Variants in RAP1A observed in about 807,000 individuals in gnomAD.
The protein encoded by RAP1A is ras-related protein Rap-1A.
Under a neutral mutation model 26.4 loss-of-function variants are expected in RAP1A, and 6 were observed. The observed-to-expected ratio is 0.23, with a 90% CI of 0.12 to 0.45. The LOEUF is 0.45. Ranked by LOEUF, RAP1A falls within the 20% of genes least tolerant of loss-of-function variation. RAP1A has a pLI of 0.99. For missense variants in RAP1A, 121 were observed against 217.2 expected (o/e 0.56, Z 2.78); for synonymous variants, 73 against 79.4 (o/e 0.92, Z 0.43).
intron 7 of RAP1A, among the ~76,000 whole-genome samples, chr1:111,711,216 G>T (rs781447288): frequency 9.2e-5 from 14 of 152,048 alleles, no homozygotes; most frequent in Non-Finnish European, 1.3e-4. Context: ...TTAGGTAAAG[G>T]TGCAAAGATA....
intron 1 of RAP1A, among the ~76,000 whole-genome samples, chr1:111,665,541 G>T (rs1036219438): frequency 1.3e-5 from 2 of 152,118 alleles, no homozygotes; most frequent in Non-Finnish European, 2.9e-5. Context: ...TTTTTTGTTT[G>T]TCTGCAATGA....
chr1:111,546,522 C>G (rs1657039007), intron 1 of RAP1A, among the ~76,000 whole-genome samples: 1 of 152,118 alleles, frequency 6.6e-6, no homozygotes, highest in African/African-American at 2.4e-5. Flanking sequence ...TCACATAATA[C>G]TTGTCCTTTT....
chr1:111,652,653 A>AC (rs1195974010), intron 1 of RAP1A, among the ~76,000 whole-genome samples: 1 of 152,108 alleles, frequency 6.6e-6, no homozygotes, highest in Admixed American at 6.5e-5. Context: ...GCAAATCAAA[A>AC]CCATAATGAG....
At chr1:111,566,387 G>A (rs2101052697) in intron 1 of RAP1A, among the ~76,000 whole-genome samples, 1 of 152,282 alleles carries the variant, frequency 6.6e-6, no homozygotes, top group Non-Finnish European at 1.5e-5. Context: ...GAGGGTAACA[G>A]GATGGCTTAA....
At chr1:111,654,972 G>GC (rs1196048526) in intron 1 of RAP1A, among the ~76,000 whole-genome samples, 6 of 151,816 alleles carry the variant, frequency 4.0e-5, no homozygotes, top group African/African-American at 1.5e-4. Flanking sequence ...GGAGTTGGAG[G>GC]CTGCACTAAG....
chr1:111,600,351 TAGA>T (rs536703543), intron 1 of RAP1A, among the ~76,000 whole-genome samples: 93 of 152,370 alleles, frequency 6.1e-4, no homozygotes, highest in African/African-American at 2.2e-3. Context: ...CTACCATCTC[TAGA>T]AGTTCAAGAA....
intron 6 of RAP1A, among the ~76,000 whole-genome samples, chr1:111,708,245 CTTTTTACG>C (rs1477157580): frequency 0.066 from 8 of 122 alleles, 1 homozygote; most frequent in South Asian, 0.44. Context: ...ACTTTTTCTA[CTTTTTACG>C]TTTAACCAAA....
intron 1 of RAP1A, among the ~76,000 whole-genome samples, chr1:111,688,293 G>A (rs75806057): frequency 0.57 from 75,043 of 132,550 alleles, 20,959 homozygotes; most frequent in East Asian, 0.71. Context: ...GTGTGTGTGT[G>A]TGTGTGTATA....
chr1:111,668,885 C>T (rs1488952695), intron 1 of RAP1A, among the ~76,000 whole-genome samples: 1 of 151,690 alleles, frequency 6.6e-6, no homozygotes, highest in African/African-American at 2.4e-5. Context: ...CAAAAATTAG[C>T]TGGGCATGGT....
chr1:111,557,491 A>C (rs1278457484), intron 1 of RAP1A, among the ~76,000 whole-genome samples: 1 of 151,714 alleles, frequency 6.6e-6, no homozygotes, highest in East Asian at 1.9e-4. Context: ...AGGAGGTTGC[A>C]GTGAGCCGAG....
At chr1:111,545,771 T>G (rs1295075740) in intron 1 of RAP1A, among the ~76,000 whole-genome samples, 1 of 152,142 alleles carries the variant, frequency 6.6e-6, no homozygotes, top group Non-Finnish European at 1.5e-5. Context: ...AGTTAGTTAT[T>G]TGATCGATTT....
intron 1 of RAP1A, among the ~76,000 whole-genome samples, chr1:111,685,249 G>T (rs986092924): frequency 1.3e-5 from 2 of 152,058 alleles, no homozygotes; most frequent in Non-Finnish European, 2.9e-5. Flanking sequence ...AAAAGCAATG[G>T]CAACGAAAGC....
intron 1 of RAP1A, among the ~76,000 whole-genome samples, chr1:111,572,436 C>T (rs991472711): frequency 6.6e-6 from 1 of 152,212 alleles, no homozygotes; most frequent in Admixed American, 6.5e-5. Context: ...TCATTTACAG[C>T]GTGCATGCCT....
At chr1:111,547,176 A>G (rs1033594781) in intron 1 of RAP1A, among the ~76,000 whole-genome samples, 13 of 152,044 alleles carry the variant, frequency 8.6e-5, no homozygotes, top group Non-Finnish European at 1.9e-4. Context: ...TTTTCATGAT[A>G]CTAGGGAGAA....
intron 1 of RAP1A, among the ~76,000 whole-genome samples, chr1:111,653,577 G>A (rs553344224): frequency 6.6e-5 from 10 of 151,870 alleles, no homozygotes; most frequent in African/African-American, 2.4e-4. Context: ...CCAGCTACGT[G>A]GGAGGCTGAG....
chr1:111,631,099 T>C (rs1315607141), intron 1 of RAP1A, among the ~76,000 whole-genome samples: 7 of 152,244 alleles, frequency 4.6e-5, no homozygotes, highest in Non-Finnish European at 1.5e-5. Context: ...TATGTATCTT[T>C]TCTTTGACCA....
intron 1 of RAP1A, among the ~76,000 whole-genome samples, chr1:111,603,431 G>A (rs748965734): frequency 6.6e-6 from 1 of 152,158 alleles, no homozygotes; most frequent in Non-Finnish European, 1.5e-5. Flanking sequence ...GAATGCTGTG[G>A]AAATTAGTTT....
intron 1 of RAP1A, among the ~76,000 whole-genome samples, chr1:111,555,062 G>A (rs372480721): frequency 2.0e-5 from 3 of 152,000 alleles, no homozygotes; most frequent in Admixed American, 6.6e-5. Flanking sequence ...AAGAAAAAGA[G>A]GCTATCAAAA....
At chr1:111,654,034 A>G (rs692801) in intron 1 of RAP1A, among the ~76,000 whole-genome samples, 17,990 of 152,194 alleles carry the variant, frequency 0.12, 1,397 homozygotes, top group East Asian at 0.21. Flanking sequence ...TGGCATATTA[A>G]CTGATCTGGC....
Sources: allele counts gnomAD v4.1 joint callset (sites outside exome capture counted in the v4.1 genomes callset), GRCh38; gene constraint gnomAD v4.1.1; transcripts MANE v1.5; gene names NCBI Gene and HGNC (gene_info 2026-07-23, HGNC 2026-07-21).